The following KIAA1217 variants were observed in gnomAD, a reference collection of about 807,000 sequenced individuals.
KIAA1217 encodes the protein sickle tail protein homolog.
A neutral mutation model predicts 163.9 loss-of-function variants in KIAA1217; 88 were observed. The ratio of observed to expected loss-of-function variants is 0.54; its 90% CI spans 0.45 to 0.64. The LOEUF is 0.64. KIAA1217 is among the 30% of genes least tolerant of loss of function. The pLI is 0.00. For synonymous variants in KIAA1217, 903 were observed against 923.1 expected (o/e 0.98, Z 0.39); for missense variants, 2,372 against 2,475.0 (o/e 0.96, Z 0.88).
At chr10:24,109,457 C>A (rs1219131336) in intron 2 of KIAA1217, among the ~76,000 whole-genome samples, 3 of 151,688 alleles carry the variant, frequency 2.0e-5, no homozygotes, top group East Asian at 1.9e-4. Context: ...GATTTATGAT[C>A]TTTGTACGGC....
chr10:24,136,096 AAGGGCCCACTCTAAGGAGG>A (rs2063822527), intron 2 of KIAA1217, among the ~76,000 whole-genome samples: 1 of 152,164 alleles, frequency 6.6e-6, no homozygotes, highest in Non-Finnish European at 1.5e-5. Flanking sequence ...GGCATGAGAG[AAGGGCCCACTCTAAGGAGG>A]AGATAAAAGG....
At chr10:24,177,331 C>A (rs1457123234) in intron 2 of KIAA1217, among the ~76,000 whole-genome samples, 2 of 103,716 alleles carry the variant, frequency 1.9e-5, no homozygotes, top group Non-Finnish European at 3.8e-5. Context: ...TCACATATAT[C>A]TTTGTATCTT....
rs114098000 is a variant in KIAA1217 at position 24,099,867 on chromosome 10, C to G, written c.-171+92493C>G. Among the ~76,000 whole-genome samples the G allele has an allele frequency of 7.5e-3, 1,133 of 151,660 alleles. 10 individuals carry two copies. Among genetic ancestry groups the G allele is most frequent in the African/African-American group, 0.026 (1,055 of 41,346 alleles). The stretch of plus-strand genomic sequence containing the variant: ...TGGTTTTTTTGTCCTTGCGACACTG[C>G]AGGGGTAGATAGGTTACTAGTTTTG... On this transcript the variant is annotated intron_variant, in intron 2 of 18. Transcript: ENST00000376462.
chr10:24,135,688 G>C (rs1203430073), intron 2 of KIAA1217, among the ~76,000 whole-genome samples: 5 of 152,050 alleles, frequency 3.3e-5, no homozygotes. Context: ...CAAGTTAGAT[G>C]AAACAGCACA....
intron 1 of KIAA1217, among the ~76,000 whole-genome samples, chr10:23,936,455 G>A (rs933545729): frequency 6.6e-6 from 1 of 152,212 alleles, no homozygotes; most frequent in Non-Finnish European, 1.5e-5. Context: ...TAATTAGGTT[G>A]TGATGAAGTC....
chr10:24,070,455 G>A (rs951641328), intron 2 of KIAA1217, among the ~76,000 whole-genome samples: 3 of 151,984 alleles, frequency 2.0e-5, no homozygotes, highest in African/African-American at 7.2e-5. Flanking sequence ...TCAAACAGCA[G>A]GTAATAGATT....
At chr10:24,281,913 C>G (rs933873618) in intron 2 of KIAA1217, among the ~76,000 whole-genome samples, 1 of 151,966 alleles carries the variant, frequency 6.6e-6, no homozygotes, top group African/African-American at 2.4e-5. Flanking sequence ...AAAAATTAGC[C>G]AGGTGTGGTG....
Position 23,760,797 on chromosome 10 carries a change from G to C in KIAA1217, c.-321+65563G>C, listed in dbSNP as rs893014817. Among the ~76,000 whole-genome samples, 4 of 151,984 alleles carry C rather than the reference G, an allele frequency of 2.6e-5. No individual in the cohort carries two copies. In the East Asian group the frequency reaches 7.8e-4, roughly 30 times the overall value. On this transcript the variant is annotated intron_variant, in intron 1 of 18. Transcript: ENST00000376462. ...CTCTGCAAAAAATTTTAAAAGATAA[G>C]AAAAGAACAAGTATCAGCATACGTT...
Position 24,149,850 on chromosome 10 carries a change from C to T in KIAA1217, c.-170-69776C>T, listed in dbSNP as rs534488534. 1.5e-3 allele frequency among the ~76,000 whole-genome samples: 231 copies of T among 151,978 alleles called. 1 individual carries two copies. Among genetic ancestry groups the T allele is most frequent in the Non-Finnish European group, 1.2e-3 (79 of 67,980 alleles). ...ACATTGTATACATATATCAAAATGT[C>T]GCAATACCCCCAAAATAAGTGCAAC... On this transcript the variant is annotated intron_variant, in intron 2 of 18. Transcript: ENST00000376462.
intron 20 of KIAA1217, chr10:24,545,332 T>C: frequency 7.1e-7 from 1 of 1,401,580 alleles, no homozygotes; most frequent in South Asian, 1.6e-5. Context: ...AACTCCAAAT[T>C]TTAACTGTTA....
chr10:24,401,047 T>TTAAGGCCGGGCGCGGTGGCTCACGCC (rs1396611107), intron 3 of KIAA1217, among the ~76,000 whole-genome samples: 1 of 147,780 alleles, frequency 6.8e-6, no homozygotes, highest in Non-Finnish European at 1.5e-5. Flanking sequence ...AAAGAAAATT[T>TTAAGGCCGGGCGCGGTGGCTCACGCC]TAAAAGCAGC....
chr10:24,180,263 C>T (rs1237065532), intron 2 of KIAA1217, among the ~76,000 whole-genome samples: 1 of 147,746 alleles, frequency 6.8e-6, no homozygotes, highest in African/African-American at 2.5e-5. Context: ...CAGCTATATC[C>T]TCAACTCCTC....
At chr10:24,067,296 G>T (rs1410888301) in intron 2 of KIAA1217, among the ~76,000 whole-genome samples, 2 of 152,106 alleles carry the variant, frequency 1.3e-5, no homozygotes, top group African/African-American at 4.8e-5. Flanking sequence ...TGTCTTTGAT[G>T]ATGGTGACGT....
chr10:24,023,283 G>T (rs981646807), intron 2 of KIAA1217, among the ~76,000 whole-genome samples: 1 of 151,666 alleles, frequency 6.6e-6, no homozygotes, highest in Non-Finnish European at 1.5e-5. Flanking sequence ...ACACTTTGAC[G>T]AGGGAAGAGT....
Position 24,476,097 on chromosome 10 carries a change from AT to A in KIAA1217, c.1679+2040del, listed in dbSNP as rs762610141. On this transcript the variant is annotated intron_variant, in intron 6 of 20. Coordinates refer to ENST00000376454, the MANE Select transcript of KIAA1217 (RefSeq NM_019590.5). ...CGGTTCTTGGATGATAAAAACCTGA[AT>A]TTGCATGAAAACAGATTAGTTTAGA... 9.9e-5 allele frequency among the ~76,000 whole-genome samples: 15 copies of A among 152,166 alleles called. No individual in the cohort carries two copies. The East Asian group carries it at 1.7e-3, about 18-fold the overall frequency.
intron 2 of KIAA1217, among the ~76,000 whole-genome samples, chr10:24,071,848 A>G (rs1317306840): frequency 1.3e-5 from 2 of 152,202 alleles, no homozygotes; most frequent in Non-Finnish European, 2.9e-5. Context: ...ACACAGAGGG[A>G]CAGATAGTAG....
At chr10:23,839,944 G>GT (rs936966358) in intron 1 of KIAA1217, among the ~76,000 whole-genome samples, 46 of 152,076 alleles carry the variant, frequency 3.0e-4, no homozygotes, top group African/African-American at 1.1e-3. Flanking sequence ...GAAATAGGTG[G>GT]TAAAGGGGCC....
At chr10:24,354,268 C>G (rs1407180186) in intron 2 of KIAA1217, among the ~76,000 whole-genome samples, 13 of 152,214 alleles carry the variant, frequency 8.5e-5, no homozygotes, top group Non-Finnish European at 1.6e-4. Context: ...ACCCCCCTCA[C>G]AGGACGTGAG....
intron 16 of KIAA1217, among the ~76,000 whole-genome samples, chr10:24,534,903 A>G (rs1266506494): frequency 7.0e-6 from 1 of 142,464 alleles, no homozygotes. Context: ...AAAAAAAAAA[A>G]GCGTGGTGAA....
Sources: gnomAD v4.1 joint callset for allele counts (sites outside exome capture counted in the v4.1 genomes callset) on GRCh38, gnomAD v4.1.1 for gene constraint, MANE v1.5 for transcripts, NCBI Gene and HGNC (gene_info 2026-07-23, HGNC 2026-07-21) for gene names.